The following MAPKBP1 variants were observed in gnomAD, a reference collection of about 807,000 sequenced individuals.
The protein encoded by MAPKBP1 is mitogen-activated protein kinase binding protein 1.
MAPKBP1 carries 71 observed loss-of-function variants against 170.5 expected under a neutral mutation model. The observed-to-expected ratio is 0.42, with a 90% CI of 0.34 to 0.51. The LOEUF is 0.51. MAPKBP1 is among the 20% of genes least tolerant of loss of function. The pLI, the probability that MAPKBP1 is intolerant of heterozygous loss-of-function variation, is 0.06. For missense variants in MAPKBP1, 1,598 were observed against 1,933.0 expected, an observed-to-expected ratio of 0.83 and a Z score of 3.25; for synonymous variants, 719 against 757.9, an observed-to-expected ratio of 0.95 and a Z score of 0.84.
At position 41,818,591 on chromosome 15, in the gene MAPKBP1, A is replaced by G. The variant is rs1596094490; in HGVS notation, c.2156+9A>G. Reference sequence around the variant, plus strand: ...TCTGTGTCTGGGGACAGGTGAGCAGAAGCCAGCTTCCCTGAGAGGCAGATT... The same window carrying G: ...TCTGTGTCTGGGGACAGGTGAGCAGGAGCCAGCTTCCCTGAGAGGCAGATT... On this transcript the variant is annotated intron_variant, in intron 19 of 30. Coordinates refer to ENST00000457542, the MANE Select transcript of MAPKBP1 (RefSeq NM_014994.3). This position sits in a 1 kb window ranked among gnomAD's most constrained non-coding sequence, Gnocchi z 5.2. 2 of 1,609,480 alleles carry G rather than the reference A, an allele frequency of 1.2e-6. No homozygotes were observed. The highest frequency in any genetic ancestry group is 1.7e-6 in the Non-Finnish European group (2 of 1,177,870).
At chr15:41,793,818 G>T (rs543865706) in intron 2 of MAPKBP1, among the ~76,000 whole-genome samples, 1 of 152,332 alleles carries the variant, frequency 6.6e-6, no homozygotes, top group African/African-American at 2.4e-5. Flanking sequence ...CCATCTCATC[G>T]CCTGCTGCCG....
chr15:41,780,371 G>C (rs993158026), intron 2 of MAPKBP1, among the ~76,000 whole-genome samples: 9 of 152,190 alleles, frequency 5.9e-5, no homozygotes, highest in African/African-American at 2.2e-4. Flanking sequence ...TGGGCTTGAT[G>C]CTGTTATCAC....
At position 41,810,952 on chromosome 15, in the gene MAPKBP1, G is replaced by T. The variant is rs2064794297; in HGVS notation, c.269+7G>T. On this transcript the variant is annotated splice_region_variant and intron_variant, in intron 4 of 30. Coordinates refer to ENST00000457542, the MANE Select transcript of MAPKBP1 (RefSeq NM_014994.3). ...ACATCCTCAACAGTTCCAGGTAAATGGGCTGGGGTCCTCAGGATACCTCTT... is the reference window on the plus strand; with the variant it reads ...ACATCCTCAACAGTTCCAGGTAAATTGGCTGGGGTCCTCAGGATACCTCTT... The T allele has an allele frequency of 6.2e-7, 1 of 1,614,064 alleles. No individual in the cohort carries two copies. Among genetic ancestry groups the T allele is most frequent in the African/African-American group, 1.3e-5 (1 of 74,928 alleles).
chr15:41,812,783 C>A, intron 7 of MAPKBP1, 130 bp downstream of exon 7: 1 of 1,446,860 alleles, frequency 6.9e-7, no homozygotes, highest in Non-Finnish European at 9.2e-7. Context: ...TTGGATGAGC[C>A]AGATGCTGTC....
intron 2 of MAPKBP1, among the ~76,000 whole-genome samples, chr15:41,786,775 A>ATATATATATATATAT (rs1402898570): frequency 8.8e-4 from 11 of 12,436 alleles, no homozygotes; most frequent in African/African-American, 2.5e-3. Flanking sequence ...AAAAAAAAAA[A>ATATATATATATATAT]AAATATATAT....
chr15:41,791,306 C>T (rs2064391913), intron 2 of MAPKBP1, among the ~76,000 whole-genome samples: 1 of 152,184 alleles, frequency 6.6e-6, no homozygotes, highest in South Asian at 2.1e-4. Flanking sequence ...TGAGGTCAGC[C>T]AAATCCTAGG....
chr15:41,798,344 G>A (rs1384318153), intron 2 of MAPKBP1, among the ~76,000 whole-genome samples: 2 of 150,338 alleles, frequency 1.3e-5, no homozygotes, highest in Non-Finnish European at 3.0e-5. Flanking sequence ...GTGCAATGGC[G>A]TGATCTCGGC....
intron 2 of MAPKBP1, among the ~76,000 whole-genome samples, chr15:41,776,557 C>T (rs2064101415): frequency 6.6e-6 from 1 of 152,192 alleles, no homozygotes; most frequent in African/African-American, 2.4e-5. Flanking sequence ...TTTCTATTCT[C>T]CTGAGGCAGG....
Position 41,786,808 on chromosome 15 carries a change from A to T in MAPKBP1, c.114+11419A>T, listed in dbSNP as rs1295037540. Among the ~76,000 whole-genome samples, 21 of 133,286 alleles carry T rather than the reference A, an allele frequency of 1.6e-4. 1 individual carries two copies. The South Asian group carries it at 4.9e-3, about 31-fold the overall frequency. 87.4% of individuals were successfully genotyped at this position (133,286 alleles called of 152,430 possible). On this transcript the variant is annotated intron_variant, in intron 2 of 30. Transcript: ENST00000457542. ...TATATATATATATATATATATAGGT[A>T]TAATAAGCTTTTTTTGTTTTTTAAA...
intron 5 of MAPKBP1, chr15:41,811,637 C>G (rs1596086324): frequency 1.6e-6 from 1 of 620,808 alleles, no homozygotes; most frequent in Middle Eastern, 2.5e-4. Context: ...CGTAGTCTTA[C>G]TAGGGGCAGA....
chr15:41,777,023 A>G (rs2064109426), intron 2 of MAPKBP1, among the ~76,000 whole-genome samples: 1 of 152,158 alleles, frequency 6.6e-6, no homozygotes, highest in Non-Finnish European at 1.5e-5. Flanking sequence ...AGGGGAGGCG[A>G]CCTAAGTCAG....
chr15:41,814,601 G>T lies in MAPKBP1; in HGVS notation c.1032G>T (p.Leu344Phe). Reference sequence around the variant, plus strand: ...CCAGGTATCCAGACACCATTGCCTTGACCTTTGATCCTACTAATCAGTGGC... The same window carrying T: ...CCAGGTATCCAGACACCATTGCCTTTACCTTTGATCCTACTAATCAGTGGC... ...ANARYPDTIA[L>F]TFDPTNQWLS... The change falls in exon 10 of 31, where the codon TTG (leucine) becomes TTT (phenylalanine). Residue 344 changes from leucine (L) to phenylalanine (F), a missense_variant. Physicochemically the swap from Leu to Phe is conservative, Grantham distance 22. Transcript: ENST00000457542. The T allele has an allele frequency of 6.2e-7, 1 of 1,614,132 alleles. No homozygotes were observed. The highest frequency in any genetic ancestry group is 8.5e-7 in the Non-Finnish European group (1 of 1,180,028).
chr15:41,806,737 C>T (rs796361068), intron 3 of MAPKBP1, among the ~76,000 whole-genome samples: 5 of 152,332 alleles, frequency 3.3e-5, no homozygotes, highest in African/African-American at 9.6e-5. Context: ...GGATCCCAGC[C>T]AGCACTGAGC....
intron 2 of MAPKBP1, among the ~76,000 whole-genome samples, chr15:41,786,777 A>AAATAT: frequency 1.2e-4 from 4 of 32,452 alleles, no homozygotes; most frequent in Non-Finnish European, 2.2e-4. Flanking sequence ...AAAAAAAAAA[A>AAATAT]ATATATATAT....
chr15:41,781,696 C>T (rs1320019547), intron 2 of MAPKBP1, among the ~76,000 whole-genome samples: 2 of 152,162 alleles, frequency 1.3e-5, no homozygotes, highest in South Asian at 2.1e-4. Context: ...TTTTAATTTA[C>T]TTGAAGATCT....
intron 3 of MAPKBP1, among the ~76,000 whole-genome samples, chr15:41,810,224 A>G (rs1206420073): frequency 1.3e-5 from 2 of 151,990 alleles, no homozygotes; most frequent in Admixed American, 6.5e-5. Context: ...CTTCCCTCCT[A>G]CACCCCTTCC....
chr15:41,803,397 G>A (rs1273522897), intron 3 of MAPKBP1, among the ~76,000 whole-genome samples: 1 of 98,252 alleles, frequency 1.0e-5, no homozygotes, highest in African/African-American at 4.2e-5. Context: ...CTGAGCGGCT[G>A]AGCAAGACTC....
At chr15:41,824,106 C>G in intron 29 of MAPKBP1, 45 bp downstream of exon 29, 1 of 1,546,290 alleles carries the variant, frequency 6.5e-7, no homozygotes, top group South Asian at 1.2e-5. Flanking sequence ...CATCCTTACT[C>G]TCCCCTCTCT....
At position 41,819,555 on chromosome 15, in the gene MAPKBP1, G is replaced by GGGA. The variant is rs1555454090; in HGVS notation, c.2426-38_2426-37insAGG. On this transcript the variant is annotated intron_variant, in intron 21 of 30. Transcript: ENST00000457542. ...GCTCCAGGGTTGGGTGGCGGGGGGG[G>GGGA]GGCAGGAGACACTTCCTCTGACTGC... is the stretch of plus-strand genomic sequence containing the variant. The GGGA allele has an allele frequency of 2.4e-4, 358 of 1,482,070 alleles. 11 individuals carry two copies. In the African/African-American group the frequency reaches 4.4e-3, roughly 18 times the overall value. 91.8% of individuals were successfully genotyped at this position (1,482,070 alleles called of 1,614,324 possible). A position where few individuals can be genotyped will look rare whatever the true frequency, so the allele number is the denominator to read the frequency against.
Sources: gnomAD v4.1 joint callset for allele counts (sites outside exome capture counted in the v4.1 genomes callset) on GRCh38, gnomAD v4.1.1 for gene constraint, Gnocchi (gnomAD v3.1) non-coding constraint, MANE v1.5 for transcripts, NCBI Gene and HGNC (gene_info 2026-07-23, HGNC 2026-07-21) for gene names.